Variants in KAZN observed in about 807,000 individuals in gnomAD.
KAZN encodes the protein kazrin, periplakin interacting protein.
KAZN carries 40 observed loss-of-function variants against 87.4 expected under a neutral mutation model. The observed-to-expected ratio is 0.46, with a 90% CI of 0.36 to 0.60. KAZN has a LOEUF of 0.60. Among genes scored for constraint, KAZN ranks in the 20% least tolerant of loss-of-function variants. The probability of loss-of-function intolerance (pLI) is 0.00; values close to 1 mark genes in which losing one functional copy is unlikely to be tolerated. For missense variants in KAZN, 898 were observed against 1,073.9 expected, an observed-to-expected ratio of 0.84 and a Z score of 2.29; for synonymous variants, 466 against 458.3, an observed-to-expected ratio of 1.02 and a Z score of -0.22.
chr1:14,371,259 G>C (rs149505100), intron 2 of KAZN, among the ~76,000 whole-genome samples: 6 of 152,292 alleles, frequency 3.9e-5, no homozygotes, highest in Non-Finnish European at 8.8e-5. Context: ...CACTTTGAGA[G>C]CTATTGCTTT....
chr1:14,798,815 C>T (rs1645914872), intron 1 of KAZN, among the ~76,000 whole-genome samples: 1 of 151,900 alleles, frequency 6.6e-6, no homozygotes, highest in Non-Finnish European at 1.5e-5. Flanking sequence ...GGCTGGAGTG[C>T]AGAGGCATGA....
rs143288616 is a variant in KAZN at position 15,101,164 on chromosome 1, T to TTCTCTCTCTCTCTCTC, written c.1548-371_1548-356dup. The stretch of plus-strand genomic sequence containing the variant: ...CCTTTCTGTTCTTGAGTCTCGGTCT[T>TTCTCTCTCTCTCTCTC]TCTCTCTCTCTCTCTCTCTCTCTGC... On this transcript the variant is annotated intron_variant, in intron 10 of 14. Coordinates refer to ENST00000376030, the MANE Select transcript of KAZN (RefSeq NM_201628.3). Among the ~76,000 whole-genome samples, 920 of 127,814 alleles carry TTCTCTCTCTCTCTCTC rather than the reference T, an allele frequency of 7.2e-3. 31 individuals are homozygous for TTCTCTCTCTCTCTCTC. The highest frequency in any genetic ancestry group is 0.021 in the African/African-American group (743 of 35,984). The allele number at this position is 127,814 out of a possible 152,430, so 83.9% of individuals were successfully genotyped here.
intron 1 of KAZN, among the ~76,000 whole-genome samples, chr1:14,927,285 T>A (rs1253701834): frequency 6.6e-6 from 1 of 152,160 alleles, no homozygotes; most frequent in Non-Finnish European, 1.5e-5. Flanking sequence ...CGGTCACATT[T>A]CTTGAGCATC....
At position 14,599,269 on chromosome 1, in the gene KAZN, C is replaced by T; in HGVS notation, c.226+46C>T. On this transcript the variant is annotated intron_variant, in intron 1 of 14. Transcript: ENST00000376030. This position sits in a 1 kb window ranked among gnomAD's most constrained non-coding sequence, Gnocchi z 4.4. ...AGGGCGGAGGAAGGCGAGCAGAGCA[C>T]GCCCGGCCTCGGAGGTGGCCGGGGA... 7.7e-7 allele frequency: 1 copy of T among 1,301,186 alleles called. No individual in the cohort carries two copies. The highest frequency in any genetic ancestry group is 9.7e-7 in the Non-Finnish European group (1 of 1,026,590). The allele number at this position is 1,301,186 out of a possible 1,614,324, so 80.6% of individuals were successfully genotyped here.
At chr1:13,920,922 G>A (rs1269508013) in intron 1 of KAZN, among the ~76,000 whole-genome samples, 2 of 152,176 alleles carry the variant, frequency 1.3e-5, no homozygotes, top group African/African-American at 2.4e-5. Flanking sequence ...CCAAGATGGC[G>A]ATGCTCCTGC....
chr1:14,550,555 G>C (rs1673434273), intron 2 of KAZN, among the ~76,000 whole-genome samples: 1 of 152,122 alleles, frequency 6.6e-6, no homozygotes, highest in Non-Finnish European at 1.5e-5. Flanking sequence ...TTCCCAGGGT[G>C]CCAGAGCCAA....
chr1:14,992,351 C>T (rs1008440520), intron 2 of KAZN, among the ~76,000 whole-genome samples: 4 of 152,168 alleles, frequency 2.6e-5, no homozygotes, highest in Non-Finnish European at 4.4e-5. Flanking sequence ...AGGGAGCATC[C>T]AGGGTCAGGT....
chr1:13,986,293 A>C (rs756195427), intron 1 of KAZN, among the ~76,000 whole-genome samples: 27 of 152,194 alleles, frequency 1.8e-4, no homozygotes, highest in Non-Finnish European at 2.5e-4. Context: ...ATCTTGTAGG[A>C]AATTTAATAT....
intron 2 of KAZN, among the ~76,000 whole-genome samples, chr1:14,543,918 A>G (rs1413110872): frequency 6.6e-6 from 1 of 152,162 alleles, no homozygotes; most frequent in East Asian, 1.9e-4. Context: ...GTAGGTTTCT[A>G]CTCATCTTCA....
intron 1 of KAZN, among the ~76,000 whole-genome samples, chr1:14,055,467 G>C (rs1363345488): frequency 1.3e-5 from 2 of 152,198 alleles, no homozygotes; most frequent in Non-Finnish European, 2.9e-5. Flanking sequence ...TGTGAAGTCA[G>C]GGAAGGTTCC....
intron 2 of KAZN, among the ~76,000 whole-genome samples, chr1:14,232,078 C>A (rs1647913453): frequency 6.6e-6 from 1 of 152,100 alleles, no homozygotes; most frequent in Admixed American, 6.5e-5. Flanking sequence ...TGCAAAGGGG[C>A]TGGGAAATGT....
At chr1:15,078,952 C>T (rs1185120531) in intron 8 of KAZN, among the ~76,000 whole-genome samples, 1 of 152,180 alleles carries the variant, frequency 6.6e-6, no homozygotes, top group Admixed American at 6.5e-5. Context: ...CTAAACTGGC[C>T]TTTGTGCAAT....
chr1:15,011,284 T>C (rs1477799400), intron 2 of KAZN, among the ~76,000 whole-genome samples: 2 of 152,234 alleles, frequency 1.3e-5, no homozygotes, highest in Non-Finnish European at 2.9e-5. Flanking sequence ...AGTGATCATA[T>C]GCTCTTGTTA....
chr1:14,881,760 G>C (rs1033727052), intron 1 of KAZN, among the ~76,000 whole-genome samples: 1 of 152,196 alleles, frequency 6.6e-6, no homozygotes, highest in Non-Finnish European at 1.5e-5. Flanking sequence ...ATTTTGAATC[G>C]ATTTGCTCCC....
chr1:14,385,246 A>G (rs911129585), intron 2 of KAZN, among the ~76,000 whole-genome samples: 10 of 151,880 alleles, frequency 6.6e-5, no homozygotes, highest in African/African-American at 2.4e-4. Flanking sequence ...AATTTTGTTG[A>G]TCCTTTCAAA....
At chr1:14,811,215 A>G (rs1017955671) in intron 1 of KAZN, among the ~76,000 whole-genome samples, 1 of 152,028 alleles carries the variant, frequency 6.6e-6, no homozygotes, top group Non-Finnish European at 1.5e-5. Flanking sequence ...GTCCCCTCAC[A>G]GTAATTAGCA....
intron 1 of KAZN, among the ~76,000 whole-genome samples, chr1:14,843,137 G>A (rs1648220424): frequency 6.6e-6 from 1 of 152,166 alleles, no homozygotes; most frequent in African/African-American, 2.4e-5. Flanking sequence ...CACATTCACT[G>A]TAGAGCCAGG....
intron 1 of KAZN, among the ~76,000 whole-genome samples, chr1:13,944,217 T>A (rs1310635024): frequency 6.6e-6 from 1 of 152,236 alleles, no homozygotes; most frequent in East Asian, 1.9e-4. Context: ...GGATACGCGT[T>A]ACATCATAGA....
intron 2 of KAZN, among the ~76,000 whole-genome samples, chr1:14,217,814 A>G (rs1323484155): frequency 6.6e-6 from 1 of 152,164 alleles, no homozygotes; most frequent in Non-Finnish European, 1.5e-5. Context: ...CAAATCACTT[A>G]TAATAGACAA....
Sources: allele counts gnomAD v4.1 joint callset (sites outside exome capture counted in the v4.1 genomes callset), GRCh38; gene constraint gnomAD v4.1.1; non-coding constraint Gnocchi (gnomAD v3.1); transcripts MANE v1.5; gene names NCBI Gene and HGNC (gene_info 2026-07-23, HGNC 2026-07-21).